SGCZ: variants seen among roughly 807,000 people sequenced by gnomAD.
The protein encoded by SGCZ is sarcoglycan zeta, also known as zeta-sarcoglycan.
A neutral mutation model predicts 41.3 loss-of-function variants in SGCZ; 40 were observed. The ratio of observed to expected loss-of-function variants is 0.97; its 90% CI spans 0.75 to 1.26. SGCZ has a LOEUF of 1.26. SGCZ is among the 50% of genes most tolerant of loss of function. The pLI, the probability that SGCZ is intolerant of heterozygous loss-of-function variation, is 0.00. For missense variants in SGCZ, 552 were observed against 369.8 expected (o/e 1.49, Z -4.04); for synonymous variants, 206 against 137.5 (o/e 1.50, Z -3.49).
At chr8:14,815,762 T>C (rs760320085) in intron 1 of SGCZ, among the ~76,000 whole-genome samples, 3 of 152,212 alleles carry the variant, frequency 2.0e-5, no homozygotes, top group Non-Finnish European at 4.4e-5. Context: ...GAGGGCAATC[T>C]ATTATACTAT....
intron 1 of SGCZ, among the ~76,000 whole-genome samples, chr8:14,894,308 T>A (rs1216923587): frequency 2.0e-5 from 3 of 152,232 alleles, no homozygotes; most frequent in African/African-American, 7.2e-5. Flanking sequence ...CTCAGTTGAC[T>A]TTTGAAGAGC....
intron 2 of SGCZ, among the ~76,000 whole-genome samples, chr8:14,324,624 T>A (rs114483760): frequency 0.011 from 1,714 of 152,250 alleles, 30 homozygotes; most frequent in African/African-American, 0.039. Context: ...CAGAGTCACA[T>A]TGATACAATA....
intron 1 of SGCZ, among the ~76,000 whole-genome samples, chr8:14,823,202 C>T (rs1802173946): frequency 6.6e-6 from 1 of 151,386 alleles, no homozygotes; most frequent in African/African-American, 2.4e-5. Flanking sequence ...TTCAAAAGCA[C>T]AGGTAACAAA....
At chr8:14,324,019 T>G in intron 3 of SGCZ, 84 bp downstream of exon 3, 1 of 835,792 alleles carries the variant, frequency 1.2e-6, no homozygotes, top group East Asian at 2.5e-5. Context: ...GCTGAAGAGA[T>G]AAGGGGATTC....
chr8:15,044,509 A>G (rs1206019552), intron 1 of SGCZ, among the ~76,000 whole-genome samples: 1 of 152,308 alleles, frequency 6.6e-6, no homozygotes, highest in East Asian at 1.9e-4. Flanking sequence ...ATACAGAATC[A>G]GGAATGATTA....
chr8:14,842,836 T>C lies in SGCZ; in HGVS notation c.40-287910A>G, dbSNP rs74762615. On this transcript the variant is annotated intron_variant, in intron 1 of 7. Coordinates refer to ENST00000382080, the MANE Select transcript of SGCZ (RefSeq NM_139167.4). ...GCTATTATAGCTGTTAAAGTTAGCA[T>C]TGAAAACGGGATGCTCCAGGGGAGA... 3.6e-3 allele frequency among the ~76,000 whole-genome samples: 545 copies of C among 152,320 alleles called. 5 individuals are homozygous for C. The highest frequency in any genetic ancestry group is 0.012 in the African/African-American group (516 of 41,572).
intron 2 of SGCZ, among the ~76,000 whole-genome samples, chr8:14,383,918 G>C (rs1270469037): frequency 7.1e-6 from 1 of 141,648 alleles, no homozygotes; most frequent in African/African-American, 3.1e-5. Flanking sequence ...AATTTGTTTT[G>C]AGATTTTTTT....
intron 1 of SGCZ, among the ~76,000 whole-genome samples, chr8:14,558,031 A>G (rs1419782541): frequency 6.6e-6 from 1 of 152,156 alleles, no homozygotes; most frequent in African/African-American, 2.4e-5. Flanking sequence ...TAAGGCTACT[A>G]TGAACATTTT....
chr8:15,011,545 A>C (rs1380521533), intron 1 of SGCZ, among the ~76,000 whole-genome samples: 1 of 152,210 alleles, frequency 6.6e-6, no homozygotes, highest in Non-Finnish European at 1.5e-5. Flanking sequence ...AACCTATTGA[A>C]AACTGCAGAT....
At chr8:14,461,814 A>T (rs976655266) in intron 2 of SGCZ, among the ~76,000 whole-genome samples, 8 of 152,138 alleles carry the variant, frequency 5.3e-5, no homozygotes, top group Non-Finnish European at 8.8e-5. Context: ...GAAAGCTGCC[A>T]TCACAAAACG....
chr8:14,741,195 G>T (rs904853391), intron 1 of SGCZ, among the ~76,000 whole-genome samples: 1 of 151,986 alleles, frequency 6.6e-6, no homozygotes, highest in South Asian at 2.1e-4. Context: ...CCTGGGAGAG[G>T]TGAGGGGATC....
At chr8:14,896,685 C>CA (rs1261039514) in intron 1 of SGCZ, among the ~76,000 whole-genome samples, 6 of 152,176 alleles carry the variant, frequency 3.9e-5, no homozygotes, top group African/African-American at 1.2e-4. Flanking sequence ...CCATGTTGGT[C>CA]AAGGTAGTCT....
intron 1 of SGCZ, among the ~76,000 whole-genome samples, chr8:14,756,132 T>C (rs2130336326): frequency 6.6e-6 from 1 of 151,934 alleles, no homozygotes; most frequent in African/African-American, 2.4e-5. Context: ...AAGGATAGGC[T>C]GGGTTATGAC....
intron 1 of SGCZ, among the ~76,000 whole-genome samples, chr8:14,601,926 C>T (rs1020755465): frequency 7.2e-5 from 11 of 152,130 alleles, no homozygotes; most frequent in African/African-American, 2.2e-4. Flanking sequence ...CGAGACCATC[C>T]GGGCTAACAC....
chr8:14,451,988 A>T (rs997510929), intron 2 of SGCZ, among the ~76,000 whole-genome samples: 1 of 152,248 alleles, frequency 6.6e-6, no homozygotes, highest in Admixed American at 6.5e-5. Flanking sequence ...TTATTTATAC[A>T]AATGTATTGA....
At chr8:14,411,044 T>C (rs1799346315) in intron 2 of SGCZ, among the ~76,000 whole-genome samples, 2 of 152,124 alleles carry the variant, frequency 1.3e-5, no homozygotes, top group South Asian at 4.1e-4. Flanking sequence ...CAGATAGAAA[T>C]ATTTTAAAAA....
At chr8:14,813,243 C>G (rs1801787880) in intron 1 of SGCZ, among the ~76,000 whole-genome samples, 1 of 152,120 alleles carries the variant, frequency 6.6e-6, no homozygotes, top group African/African-American at 2.4e-5. Context: ...GAGTTTCTCC[C>G]TCAATATACA....
rs546308841 is a variant in SGCZ, at chr8:15,137,486, C to T, written c.39+100099G>A. On this transcript the variant is annotated intron_variant, in intron 1 of 7. Transcript: ENST00000382080. ...ACCTTCCTGGCAGCCCCTCCCATCA[C>T]AGGCCCTAAGGTTGAAAAGGAAAAA... Among the ~76,000 whole-genome samples the T allele has an allele frequency of 6.2e-4, 95 of 152,324 alleles. 2 individuals carry two copies. Among genetic ancestry groups the T allele is most frequent in the Non-Finnish European group, 1.2e-4 (8 of 68,030 alleles).
intron 3 of SGCZ, among the ~76,000 whole-genome samples, chr8:14,315,130 C>A (rs1374462215): frequency 6.6e-6 from 1 of 152,098 alleles, no homozygotes; most frequent in African/African-American, 2.4e-5. Context: ...AATTCTGGCT[C>A]ACCTTGGAGT....
Sources: allele counts gnomAD v4.1 joint callset (sites outside exome capture counted in the v4.1 genomes callset), GRCh38; gene constraint gnomAD v4.1.1; transcripts MANE v1.5; gene names NCBI Gene and HGNC (gene_info 2026-07-23, HGNC 2026-07-21).